TNIP1: variants seen among roughly 807,000 people sequenced by gnomAD.
The protein encoded by TNIP1 is TNFAIP3-interacting protein 1.
A neutral mutation model predicts 86.6 loss-of-function variants in TNIP1; 22 were observed. The observed-to-expected ratio is 0.25, with a 90% CI of 0.18 to 0.36. TNIP1 has a LOEUF of 0.36. TNIP1 is among the 10% of genes least tolerant of loss of function. The pLI, the probability that TNIP1 is intolerant of heterozygous loss-of-function variation, is 1.00. For synonymous variants in TNIP1, 294 were observed against 313.0 expected (o/e 0.94, Z 0.64); for missense variants, 709 against 820.6 (o/e 0.86, Z 1.66).
chr5:151,052,273 G>A lies in TNIP1; in HGVS notation c.628-14C>T, dbSNP rs759298679. On this transcript the variant is annotated splice_polypyrimidine_tract_variant and intron_variant, in intron 6 of 17. Transcript: ENST00000521591. ...CTCACACAGGGTCTGTGGGGCAGGG[G>A]AACAGACAGGGTGAGGGAAAGGAGG... The A allele has an allele frequency of 2.5e-6, 4 of 1,609,940 alleles. No individual in the cohort carries two copies. Among genetic ancestry groups the A allele is most frequent in the South Asian group, 2.2e-5 (2 of 90,468 alleles).
At chr5:151,084,374 G>A (rs749968364), upstream of TNIP1, among the ~76,000 whole-genome samples, 1 of 152,026 alleles carries the variant, frequency 6.6e-6, no homozygotes, top group Non-Finnish European at 1.5e-5. Context: ...GAACCCAGGA[G>A]GTGGAGGTTG....
chr5:151,030,827 G>T, intron 17 of TNIP1, 80 bp from the exon 18 acceptor site: 6 of 1,223,442 alleles, frequency 4.9e-6, no homozygotes, highest in Non-Finnish European at 7.0e-6. Context: ...TGCAGTGCAG[G>T]AACAGTGAAA....
chr5:151,052,019 A>T, intron 7 of TNIP1, 146 bp downstream of exon 7: 1 of 644,510 alleles, frequency 1.6e-6, no homozygotes, highest in East Asian at 2.8e-5. Flanking sequence ...AGCCAAGGAG[A>T]AGGATCAAGA....
intron 1 of TNIP1, among the ~76,000 whole-genome samples, chr5:151,068,935 C>T (rs1212580546): frequency 6.6e-6 from 1 of 152,266 alleles, no homozygotes; most frequent in Non-Finnish European, 1.5e-5. Flanking sequence ...AAGCAGCCAG[C>T]GCAGACTTTC....
chr5:151,074,616 G>A (rs1763173527), intron 1 of TNIP1, among the ~76,000 whole-genome samples: 1 of 152,252 alleles, frequency 6.6e-6, no homozygotes, highest in African/African-American at 2.4e-5. Context: ...AGGAAAAGGG[G>A]CTGGACAGGG....
intron 6 of TNIP1, among the ~76,000 whole-genome samples, chr5:151,053,104 T>C (rs78245865): frequency 1.5e-5 from 2 of 135,576 alleles, no homozygotes; most frequent in Admixed American, 7.5e-5. Flanking sequence ...TGTTTCTCTT[T>C]TTTTTTTTTT....
At chr5:151,039,011 G>A (rs999259256) in intron 12 of TNIP1, 86 bp downstream of exon 12, 101 of 1,526,016 alleles carry the variant, frequency 6.6e-5, no homozygotes, top group Non-Finnish European at 8.9e-5. Context: ...TTCCTAAGCT[G>A]AATGGTTGGG....
chr5:151,074,392 T>G (rs1321803764), intron 1 of TNIP1, among the ~76,000 whole-genome samples: 1 of 152,184 alleles, frequency 6.6e-6, no homozygotes, highest in African/African-American at 2.4e-5. Context: ...ATGCCAATTT[T>G]GGGGAATTCC....
chr5:151,062,164 C>T lies in TNIP1; in HGVS notation c.320G>A (p.Ser107Asn), dbSNP rs1416120138. Residue 107 changes from serine (S) to asparagine (N), a missense_variant, in exon 4 of 18, where the codon AGT becomes AAT. Physicochemically the swap from Ser to Asn is conservative, Grantham distance 46. Transcript: ENST00000521591. ...CTTCTGGACTGGTGCTGGCTTGTCA[C>T]TGGGGCATGCAGGGGCTGTGGGAGA... ...TASPTAPACP[S>N]DKPAPVQKPP... The T allele has an allele frequency of 1.2e-6, 2 of 1,614,074 alleles. No individual in the cohort carries two copies. Among genetic ancestry groups the T allele is most frequent in the African/African-American group, 1.3e-5 (1 of 74,936 alleles).
intron 6 of TNIP1, among the ~76,000 whole-genome samples, chr5:151,052,506 A>T (rs10058767): frequency 0.069 from 10,434 of 152,176 alleles, 891 homozygotes; most frequent in African/African-American, 0.19. Flanking sequence ...CTCCTCCAAG[A>T]CAGACAGCTC....
chr5:151,078,837 T>C lies in TNIP1; in HGVS notation c.-37+2043A>G, dbSNP rs181240942. On this transcript the variant is annotated intron_variant, in intron 1 of 17. Coordinates refer to ENST00000521591, the MANE Select transcript of TNIP1 (RefSeq NM_006058.5). ...CACAGCGGGTACAGGAGTAAAACAG[T>C]AACCAGTGGGTTGGAGAGAGAGGCA... Among the ~76,000 whole-genome samples the C allele has an allele frequency of 1.1e-4, 16 of 152,290 alleles. No homozygotes were observed. In the East Asian group the frequency reaches 3.1e-3, roughly 29 times the overall value.
chr5:151,047,867 AG>A (rs1295154873), intron 8 of TNIP1, among the ~76,000 whole-genome samples: 2 of 152,094 alleles, frequency 1.3e-5, no homozygotes, highest in East Asian at 3.9e-4. Flanking sequence ...GAAGGTCTGC[AG>A]GCCCCATCCG....
chr5:151,075,027 C>T (rs1198635631), intron 1 of TNIP1, among the ~76,000 whole-genome samples: 1 of 152,212 alleles, frequency 6.6e-6, no homozygotes, highest in Non-Finnish European at 1.5e-5. Flanking sequence ...ATCCACCTGC[C>T]TGCTCTGCCT....
At chr5:151,069,247 T>C (rs1762577037) in intron 1 of TNIP1, among the ~76,000 whole-genome samples, 1 of 152,238 alleles carries the variant, frequency 6.6e-6, no homozygotes, top group Non-Finnish European at 1.5e-5. Context: ...TAAATTTACA[T>C]TCTAGCTTTT....
chr5:151,033,202 G>A (rs866281872), intron 16 of TNIP1, among the ~76,000 whole-genome samples: 7 of 149,276 alleles, frequency 4.7e-5, no homozygotes, highest in Admixed American at 1.3e-4. Flanking sequence ...GGAGAGGAGC[G>A]GAGGGGAGGG....
chr5:151,071,453 G>A lies in TNIP1; in HGVS notation c.-36-6322C>T, dbSNP rs76167874. Among the ~76,000 whole-genome samples, 157 of 152,152 alleles carry A rather than the reference G, an allele frequency of 1.0e-3. 4 individuals carry two copies. The East Asian group carries it at 0.022, about 21-fold the overall frequency. On this transcript the variant is annotated intron_variant, in intron 1 of 17. Coordinates refer to ENST00000521591, the MANE Select transcript of TNIP1 (RefSeq NM_006058.5). ...ATAGTAATAACATGGGGGGTTGTGC[G>A]GGATAATCATTAAGGCCCCTTCCAG... is the stretch of plus-strand genomic sequence containing the variant.
At chr5:151,074,039 T>C (rs1763112288) in intron 1 of TNIP1, among the ~76,000 whole-genome samples, 1 of 152,222 alleles carries the variant, frequency 6.6e-6, no homozygotes. Context: ...ATTTTAACTC[T>C]TTACATGGGA....
intron 16 of TNIP1, 87 bp from the exon 17 acceptor site, chr5:151,032,470 A>G: frequency 2.3e-6 from 3 of 1,278,158 alleles, no homozygotes; most frequent in South Asian, 1.3e-5. Flanking sequence ...CTAAATCTGT[A>G]TTAGTCAAGT....
At chr5:151,060,516 C>T (rs982940872) in intron 4 of TNIP1, 121 bp from the exon 5 acceptor site, 11 of 779,788 alleles carry the variant, frequency 1.4e-5, no homozygotes, top group Non-Finnish European at 2.2e-5. Flanking sequence ...ACACAGGGAC[C>T]GTTACATATC....
Sources: allele counts gnomAD v4.1 joint callset (sites outside exome capture counted in the v4.1 genomes callset), GRCh38; gene constraint gnomAD v4.1.1; transcripts MANE v1.5; gene names NCBI Gene and HGNC (gene_info 2026-07-23, HGNC 2026-07-21).